MOSMO: variants seen among roughly 807,000 people sequenced by gnomAD.
The protein encoded by MOSMO is modulator of smoothened protein.
MOSMO carries 5 observed loss-of-function variants against 18.4 expected under a neutral mutation model. The ratio of observed to expected loss-of-function variants is 0.27; its 90% CI spans 0.14 to 0.57. The LOEUF (loss-of-function observed/expected upper bound fraction) is 0.57. Ranked by LOEUF, MOSMO falls within the 20% of genes least tolerant of loss-of-function variation. MOSMO has a pLI of 0.92. For missense variants in MOSMO, 138 were observed against 211.8 expected, an observed-to-expected ratio of 0.65 and a Z score of 2.16; for synonymous variants, 82 against 82.3, an observed-to-expected ratio of 1.00 and a Z score of 0.02.
At chr16:22,061,935 C>A (rs993106190) in intron 1 of MOSMO, among the ~76,000 whole-genome samples, 1 of 152,174 alleles carries the variant, frequency 6.6e-6, no homozygotes, top group Non-Finnish European at 1.5e-5. Flanking sequence ...AATGAGAAAA[C>A]AAGCTCCTCT....
intron 1 of MOSMO, among the ~76,000 whole-genome samples, chr16:22,047,369 G>C (rs978392254): frequency 1.3e-5 from 2 of 150,764 alleles, no homozygotes; most frequent in South Asian, 2.1e-4. Context: ...CTCAGCCTCC[G>C]GAGTAGCTGG....
At chr16:22,062,120 A>C (rs1319472877) in intron 1 of MOSMO, among the ~76,000 whole-genome samples, 2 of 152,162 alleles carry the variant, frequency 1.3e-5, no homozygotes, top group Admixed American at 1.3e-4. Context: ...AAACTTTTAC[A>C]GTTCTGACTC....
At chr16:22,050,366 A>G (rs562409281) in intron 1 of MOSMO, among the ~76,000 whole-genome samples, 1 of 152,294 alleles carries the variant, frequency 6.6e-6, no homozygotes, top group East Asian at 1.9e-4. Flanking sequence ...CTATGAATAG[A>G]AGGAAGTATT....
intron 1 of MOSMO, among the ~76,000 whole-genome samples, chr16:22,037,804 G>A (rs141775656): frequency 8.5e-5 from 13 of 152,254 alleles, no homozygotes; most frequent in African/African-American, 2.6e-4. Flanking sequence ...GGAAGCTTCC[G>A]TGCCCTCTCC....
chr16:22,030,709 A>C (rs1899976389), intron 1 of MOSMO, among the ~76,000 whole-genome samples: 2 of 152,116 alleles, frequency 1.3e-5, no homozygotes, highest in African/African-American at 4.8e-5. Context: ...TTCTATTTTT[A>C]GTAGAGACGG....
chr16:22,063,708 C>T (rs1249318207), intron 1 of MOSMO, among the ~76,000 whole-genome samples: 1 of 152,118 alleles, frequency 6.6e-6, no homozygotes, highest in Non-Finnish European at 1.5e-5. Flanking sequence ...GAACAAAACC[C>T]AGGGGAGCCT....
At chr16:22,073,513 A>G (rs777148210) in intron 1 of MOSMO, among the ~76,000 whole-genome samples, 1 of 151,552 alleles carries the variant, frequency 6.6e-6, no homozygotes, top group African/African-American at 2.4e-5. Context: ...CAAAATTACA[A>G]GAAAATGCCT....
rs540736370 is a variant in MOSMO, at chr16:22,070,624, G to T, written c.107-4863G>T. 3.3e-5 allele frequency among the ~76,000 whole-genome samples: 5 copies of T among 152,254 alleles called. No homozygotes were observed. The South Asian group carries it at 1.0e-3, about 32-fold the overall frequency. Reference sequence around the variant, plus strand: ...ACTCAGGTTTTCAGACACTGTCCATGTGTGGCTCATTAAGTTTCTTTGATT... The same window carrying T: ...ACTCAGGTTTTCAGACACTGTCCATTTGTGGCTCATTAAGTTTCTTTGATT... On this transcript the variant is annotated intron_variant, in intron 1 of 2. Coordinates refer to ENST00000542527, the MANE Select transcript of MOSMO (RefSeq NM_001164579.2).
chr16:22,016,298 G>A (rs1899635095), intron 1 of MOSMO, among the ~76,000 whole-genome samples: 1 of 152,188 alleles, frequency 6.6e-6, no homozygotes, highest in Non-Finnish European at 1.5e-5. Flanking sequence ...TGGCATATAA[G>A]AGATTAGCAC....
intron 1 of MOSMO, among the ~76,000 whole-genome samples, chr16:22,062,222 G>A (rs995549602): frequency 6.6e-6 from 1 of 151,888 alleles, no homozygotes; most frequent in African/African-American, 2.4e-5. Flanking sequence ...GGTACTATGA[G>A]ACAACAATAA....
chr16:22,053,605 C>T (rs1030432530), intron 1 of MOSMO, among the ~76,000 whole-genome samples: 1 of 152,090 alleles, frequency 6.6e-6, no homozygotes, highest in African/African-American at 2.4e-5. Flanking sequence ...GAGTTCGAGA[C>T]CAGCCTGGCC....
chr16:22,064,827 C>A (rs911733102), intron 1 of MOSMO, among the ~76,000 whole-genome samples: 1 of 152,164 alleles, frequency 6.6e-6, no homozygotes, highest in Admixed American at 6.5e-5. Context: ...CCTCTCCCCA[C>A]GTCACCTCCA....
chr16:22,016,213 A>C (rs983348111), intron 1 of MOSMO, among the ~76,000 whole-genome samples: 6 of 152,144 alleles, frequency 3.9e-5, no homozygotes, highest in African/African-American at 1.2e-4. Flanking sequence ...GATTTGGGGC[A>C]TGTAATTTGA....
At chr16:22,044,303 G>A (rs1464301599) in intron 1 of MOSMO, among the ~76,000 whole-genome samples, 1 of 152,194 alleles carries the variant, frequency 6.6e-6, no homozygotes, top group Admixed American at 6.5e-5. Context: ...GAAGTGTTGT[G>A]TTTGCATTGT....
At chr16:22,053,477 G>A (rs1275195120) in intron 1 of MOSMO, among the ~76,000 whole-genome samples, 1 of 152,072 alleles carries the variant, frequency 6.6e-6, no homozygotes, top group African/African-American at 2.4e-5. Context: ...TTGTATATGC[G>A]TACATTATCC....
At chr16:22,009,133 CT>C (rs925736636) in intron 1 of MOSMO, among the ~76,000 whole-genome samples, 8 of 152,214 alleles carry the variant, frequency 5.3e-5, no homozygotes, top group African/African-American at 1.7e-4. Flanking sequence ...CGGATTTTCC[CT>C]TTGAAGTGTG....
chr16:22,073,556 T>G (rs532666182), intron 1 of MOSMO, among the ~76,000 whole-genome samples: 30 of 152,114 alleles, frequency 2.0e-4, no homozygotes, highest in African/African-American at 4.8e-4. Flanking sequence ...TTTTTTTTTT[T>G]TTGTTTTCAA....
chr16:22,019,388 A>G (rs1324601378), intron 1 of MOSMO, among the ~76,000 whole-genome samples: 1 of 152,162 alleles, frequency 6.6e-6, no homozygotes, highest in Non-Finnish European at 1.5e-5. Context: ...TCTTCCGAGC[A>G]TATCAGTTGC....
chr16:22,018,867 G>A (rs1453350590), intron 1 of MOSMO, among the ~76,000 whole-genome samples: 1 of 152,170 alleles, frequency 6.6e-6, no homozygotes, highest in African/African-American at 2.4e-5. Context: ...AATGGCATGA[G>A]TAAAGGTAGA....
Sources: allele counts gnomAD v4.1 joint callset (sites outside exome capture counted in the v4.1 genomes callset), GRCh38; gene constraint gnomAD v4.1.1; transcripts MANE v1.5; gene names NCBI Gene and HGNC (gene_info 2026-07-23, HGNC 2026-07-21).